Variants in GRK4 observed in about 807,000 individuals in gnomAD.
GRK4 encodes G protein-coupled receptor kinase 2-like.
GRK4 carries 73 observed loss-of-function variants against 77.9 expected under a neutral mutation model. The observed-to-expected ratio is 0.94, with a 90% CI of 0.78 to 1.14. The LOEUF (loss-of-function observed/expected upper bound fraction) is 1.14, where lower values mean the gene tolerates loss of function less well. Among genes scored for constraint, GRK4 ranks in the 50% most tolerant of loss-of-function variants. GRK4 has a pLI of 0.00. For missense variants in GRK4, 729 were observed against 700.2 expected (o/e 1.04, Z -0.46); for synonymous variants, 257 against 254.4 (o/e 1.01, Z -0.10).
chr4:3,037,635 G>A (rs777410599), intron 14 of GRK4, 124 bp downstream of exon 14: 19 of 1,180,018 alleles, frequency 1.6e-5, no homozygotes, highest in Admixed American at 1.4e-4. Context: ...TATATAAGAC[G>A]GCTGGGCGCA....
intron 15 of GRK4, among the ~76,000 whole-genome samples, chr4:3,039,437 C>T (rs1052715753): frequency 6.6e-6 from 1 of 151,988 alleles, no homozygotes; most frequent in African/African-American, 2.4e-5. Context: ...GTGGCTCACG[C>T]CTGTAATCCC....
intron 12 of GRK4, among the ~76,000 whole-genome samples, chr4:3,031,634 G>C (rs1226937979): frequency 6.6e-6 from 1 of 152,206 alleles, no homozygotes; most frequent in Non-Finnish European, 1.5e-5. Context: ...AACAGGATGG[G>C]CAAAGCATGG....
At chr4:3,035,590 TC>T (rs1268319157) in intron 13 of GRK4, 67 bp downstream of exon 13, 2 of 1,510,438 alleles carry the variant, frequency 1.3e-6, no homozygotes, top group African/African-American at 2.8e-5. Context: ...TTTTTCTCTT[TC>T]TTTTTTCAAA....
At chr4:2,987,529 G>C (rs1160867295) in intron 2 of GRK4, among the ~76,000 whole-genome samples, 1 of 152,220 alleles carries the variant, frequency 6.6e-6, no homozygotes, top group African/African-American at 2.4e-5. Flanking sequence ...CTGTTCATCT[G>C]TTGATGGACA....
chr4:2,971,654 A>T (rs975079786), intron 1 of GRK4, among the ~76,000 whole-genome samples: 1 of 152,208 alleles, frequency 6.6e-6, no homozygotes, highest in African/African-American at 2.4e-5. Flanking sequence ...TACAAACCTG[A>T]TGTCTCCCGC....
At chr4:2,979,871 C>T (rs1167472209) in intron 1 of GRK4, among the ~76,000 whole-genome samples, 1 of 152,064 alleles carries the variant, frequency 6.6e-6, no homozygotes, top group African/African-American at 2.4e-5. Flanking sequence ...AAGACCCTAT[C>T]TCAAAAAAGA....
At chr4:2,974,448 A>T (rs754859106) in intron 1 of GRK4, among the ~76,000 whole-genome samples, 20 of 152,310 alleles carry the variant, frequency 1.3e-4, no homozygotes, top group Non-Finnish European at 2.2e-4. Flanking sequence ...TGCCCTCTTT[A>T]TACTATCTCA....
At position 3,001,089 on chromosome 4, in the gene GRK4, A is replaced by ATATATATATATATATATATATGTGTG; in HGVS notation, c.340-3141_340-3140insATATATATATATATATATATGTGTGT. On this transcript the variant is annotated intron_variant, in intron 4 of 15. Transcript: ENST00000398052. ...TAAATGAGACTATATATATATATATATGTGTGTGTGTGTGTGTATATATAT... is the reference window on the plus strand; with the variant it reads ...TAAATGAGACTATATATATATATATATATATATATATATATATATATGTGTGTGTGTGTGTGTGTGTGTATATATAT... Among the ~76,000 whole-genome samples the ATATATATATATATATATATATGTGTG allele has an allele frequency of 3.4e-4, 28 of 82,432 alleles. 2 individuals carry two copies. Among genetic ancestry groups the ATATATATATATATATATATATGTGTG allele is most frequent in the African/African-American group, 1.5e-3 (26 of 17,214 alleles). The allele number at this position is 82,432 out of a possible 152,430, so 54.1% of individuals were successfully genotyped here. A position where few individuals can be genotyped will look rare whatever the true frequency, so the allele number is the denominator to read the frequency against.
chr4:3,006,586 C>A (rs897437742), intron 5 of GRK4, among the ~76,000 whole-genome samples: 2 of 151,850 alleles, frequency 1.3e-5, no homozygotes, highest in Admixed American at 6.6e-5. Flanking sequence ...TCGAGACCAG[C>A]CTGGACAACA....
At chr4:3,037,044 G>GTGTGT (rs1740853646) in intron 13 of GRK4, among the ~76,000 whole-genome samples, 2 of 144,276 alleles carry the variant, frequency 1.4e-5, no homozygotes, top group Non-Finnish European at 3.0e-5. Flanking sequence ...CCTCAGGAGG[G>GTGTGT]GTGTGTGTGT....
chr4:2,995,858 A>G (rs570512624), intron 4 of GRK4, among the ~76,000 whole-genome samples: 61 of 152,262 alleles, frequency 4.0e-4, no homozygotes, highest in African/African-American at 1.3e-3. Flanking sequence ...AGAGAGAACA[A>G]TGATCCACTG....
chr4:2,988,579 C>CAAACAAA, intron 2 of GRK4, 148 bp from the exon 3 acceptor site: 1 of 438,132 alleles, frequency 2.3e-6, no homozygotes. Flanking sequence ...CTGAAACAAA[C>CAAACAAA]AACAACAACA....
chr4:3,027,923 A>C lies in GRK4; in HGVS notation c.982A>C (p.Ile328Leu). The stretch of plus-strand genomic sequence containing the variant: ...ATTTGAACACACAGGACACATCCGG[A>C]TTTCAGACCTCGGTTTGGCCACAGA... ...ILLDDRGHIR[I>L]SDLGLATEIP... The change falls in exon 11 of 16, where the codon ATT becomes CTT. Residue 328 changes from isoleucine (I) to leucine (L), a missense_variant. Coordinates refer to ENST00000398052, the MANE Select transcript of GRK4 (RefSeq NM_182982.3). 6.2e-7 allele frequency: 1 copy of C among 1,614,022 alleles called. No homozygotes were observed. Among genetic ancestry groups the C allele is most frequent in the Non-Finnish European group, 8.5e-7 (1 of 1,180,002 alleles).
chr4:2,964,156 C>CA (rs773860718), intron 1 of GRK4, 34 bp downstream of exon 1: 32 of 1,545,512 alleles, frequency 2.1e-5, no homozygotes, highest in Non-Finnish European at 6.1e-6. Flanking sequence ...GACCCCCCCC[C>CA]CAGAGAACCC....
chr4:3,001,777 ATTGT>A (rs2109800571), intron 4 of GRK4, among the ~76,000 whole-genome samples: 1 of 152,286 alleles, frequency 6.6e-6, no homozygotes, highest in South Asian at 2.1e-4. Flanking sequence ...GAGTTTTCTT[ATTGT>A]TTACTATCTT....
intron 15 of GRK4, chr4:3,038,755 T>C: frequency 2.2e-6 from 1 of 449,356 alleles, no homozygotes; most frequent in East Asian, 3.3e-5. Context: ...CCTTCCAGCA[T>C]TTACAAACAG....
At chr4:2,974,238 G>A (rs957085790) in intron 1 of GRK4, among the ~76,000 whole-genome samples, 1 of 151,938 alleles carries the variant, frequency 6.6e-6, no homozygotes, top group African/African-American at 2.4e-5. Context: ...TTTGTTCGTC[G>A]GGCTTTCTCC....
intron 4 of GRK4, among the ~76,000 whole-genome samples, chr4:2,998,734 T>A (rs1275136696): frequency 8.6e-5 from 13 of 151,964 alleles, no homozygotes; most frequent in Admixed American, 8.5e-4. Context: ...TGGAAAGACA[T>A]CTCCTGTTCG....
chr4:3,021,156 C>T (rs1735970519), intron 9 of GRK4, among the ~76,000 whole-genome samples: 1 of 152,144 alleles, frequency 6.6e-6, no homozygotes, highest in Non-Finnish European at 1.5e-5. Context: ...AGCCTTGGGT[C>T]CTGCTGCTCC....
Sources: gnomAD v4.1 joint callset for allele counts (sites outside exome capture counted in the v4.1 genomes callset) on GRCh38, gnomAD v4.1.1 for gene constraint, MANE v1.5 for transcripts, NCBI Gene and HGNC (gene_info 2026-07-23, HGNC 2026-07-21) for gene names.